Variants in KCNN2 observed in about 807,000 individuals in gnomAD.
The protein encoded by KCNN2 is small conductance calcium-activated potassium channel protein 2.
KCNN2 carries 24 observed loss-of-function variants against 55.5 expected under a neutral mutation model. The ratio of observed to expected loss-of-function variants is 0.43; its 90% CI spans 0.31 to 0.61. KCNN2 has a LOEUF of 0.61. Among genes scored for constraint, KCNN2 ranks in the 20% least tolerant of loss-of-function variants. The probability of loss-of-function intolerance (pLI) is 0.08; values close to 1 mark genes in which losing one functional copy is unlikely to be tolerated. For synonymous variants in KCNN2, 431 were observed against 336.1 expected, an observed-to-expected ratio of 1.28 and a Z score of -3.09; for missense variants, 754 against 853.6, an observed-to-expected ratio of 0.88 and a Z score of 1.45.
At chr5:114,472,951 AAT>A (rs770775164) in intron 4 of KCNN2, 101 bp from the exon 5 acceptor site, 1 of 616,274 alleles carries the variant, frequency 1.6e-6, no homozygotes, top group Non-Finnish European at 2.8e-6. Flanking sequence ...CAATGTTTTT[AAT>A]CCTGAGAAAC....
At chr5:114,093,169 TTC>T (rs1296261636) in intron 1 of KCNN2, among the ~76,000 whole-genome samples, 1 of 152,182 alleles carries the variant, frequency 6.6e-6, no homozygotes, top group Non-Finnish European at 1.5e-5. Flanking sequence ...CAAGTTCAAG[TTC>T]TCTCTCTGCT....
intron 1 of KCNN2, among the ~76,000 whole-genome samples, chr5:114,212,015 T>C (rs1269650820): frequency 6.6e-6 from 1 of 151,516 alleles, no homozygotes; most frequent in Non-Finnish European, 1.5e-5. Context: ...TATATGAGCA[T>C]GTACTTATTA....
At chr5:114,409,327 A>T (rs561137181) in intron 3 of KCNN2, among the ~76,000 whole-genome samples, 1 of 142,210 alleles carries the variant, frequency 7.0e-6, no homozygotes, top group Non-Finnish European at 1.6e-5. Context: ...TGTAAGATAC[A>T]AAGATAAAAA....
At chr5:114,471,480 A>G (rs1276742894) in intron 4 of KCNN2, among the ~76,000 whole-genome samples, 1 of 152,232 alleles carries the variant, frequency 6.6e-6, no homozygotes, top group Non-Finnish European at 1.5e-5. Context: ...AGTTGAATTC[A>G]TGTATACGGA....
chr5:114,280,236 C>T (rs959790587), intron 2 of KCNN2, among the ~76,000 whole-genome samples: 1 of 152,234 alleles, frequency 6.6e-6, no homozygotes, highest in African/African-American at 2.4e-5. Context: ...AAAATTTTCT[C>T]CTATTCTGTA....
At chr5:114,169,568 A>G (rs17136330) in intron 1 of KCNN2, among the ~76,000 whole-genome samples, 4,697 of 152,224 alleles carry the variant, frequency 0.031, 254 homozygotes, top group African/African-American at 0.11. Context: ...TTTAGATACC[A>G]GACAGGAAGA....
At chr5:114,283,731 A>G (rs536485975) in intron 2 of KCNN2, among the ~76,000 whole-genome samples, 1 of 152,136 alleles carries the variant, frequency 6.6e-6, no homozygotes, top group African/African-American at 2.4e-5. Flanking sequence ...AAGAAATTTT[A>G]TTTTTTGTAT....
chr5:114,143,630 G>A (rs892734554), intron 1 of KCNN2, among the ~76,000 whole-genome samples: 1 of 152,142 alleles, frequency 6.6e-6, no homozygotes, highest in Non-Finnish European at 1.5e-5. Flanking sequence ...AGGAATCTTG[G>A]TGATGTGAAA....
chr5:114,459,921 GTCTA>G (rs372326830), intron 3 of KCNN2, among the ~76,000 whole-genome samples: 95 of 152,266 alleles, frequency 6.2e-4, no homozygotes, highest in African/African-American at 1.5e-3. Context: ...GAAGAAATTT[GTCTA>G]TCTAAGATTT....
At chr5:114,353,820 G>A (rs1425189549) in intron 2 of KCNN2, among the ~76,000 whole-genome samples, 1 of 151,764 alleles carries the variant, frequency 6.6e-6, no homozygotes, top group African/African-American at 2.4e-5. Flanking sequence ...GATCTTATTG[G>A]TGCTCTCCTG....
intron 2 of KCNN2, among the ~76,000 whole-genome samples, chr5:114,381,872 G>C (rs1040013827): frequency 6.6e-6 from 1 of 152,284 alleles, no homozygotes; most frequent in East Asian, 1.9e-4. Context: ...GTTGCTGTGG[G>C]ACTGAACTAG....
chr5:114,320,101 T>C (rs1756585916), intron 2 of KCNN2, among the ~76,000 whole-genome samples: 1 of 152,206 alleles, frequency 6.6e-6, no homozygotes, highest in Non-Finnish European at 1.5e-5. Context: ...CCCTTCTTCA[T>C]ATCCCCAAAC....
chr5:114,174,276 T>C (rs4705632), intron 1 of KCNN2, among the ~76,000 whole-genome samples: 64,531 of 151,890 alleles, frequency 0.42, 14,785 homozygotes, highest in Middle Eastern at 0.55. Context: ...GAGACAGTGA[T>C]ATCTTAGAAA....
At chr5:114,397,548 G>A (rs190881993) in intron 2 of KCNN2, among the ~76,000 whole-genome samples, 337 of 152,078 alleles carry the variant, frequency 2.2e-3, no homozygotes, top group South Asian at 9.3e-3. Flanking sequence ...CACAATGCCC[G>A]GCTAATTTTT....
chr5:114,122,677 A>G (rs1751849485), intron 1 of KCNN2, among the ~76,000 whole-genome samples: 1 of 152,148 alleles, frequency 6.6e-6, no homozygotes, highest in African/African-American at 2.4e-5. Context: ...TTGGACTCAA[A>G]GCTGGAATTA....
At chr5:114,204,522 T>C (rs2112575523) in intron 1 of KCNN2, among the ~76,000 whole-genome samples, 1 of 152,368 alleles carries the variant, frequency 6.6e-6, no homozygotes, top group Admixed American at 6.5e-5. Context: ...AAGTAACTTC[T>C]TCTGATGTAA....
chr5:114,341,905 T>TG (rs1757022471), intron 2 of KCNN2, among the ~76,000 whole-genome samples: 1 of 108,352 alleles, frequency 9.2e-6, no homozygotes, highest in African/African-American at 4.2e-5. Context: ...TCATAATGTG[T>TG]TTTTTTTTTT....
chr5:114,167,962 T>C (rs555667973), intron 1 of KCNN2, among the ~76,000 whole-genome samples: 20 of 152,248 alleles, frequency 1.3e-4, no homozygotes, highest in African/African-American at 4.8e-4. Context: ...ATATTGATTT[T>C]CAGATTCATT....
At chr5:114,137,141 G>A (rs879452586) in intron 1 of KCNN2, among the ~76,000 whole-genome samples, 8 of 151,926 alleles carry the variant, frequency 5.3e-5, no homozygotes, top group African/African-American at 1.2e-4. Flanking sequence ...CTCCCCCTAC[G>A]CTCCCTGCTG....
Sources: allele counts gnomAD v4.1 joint callset (sites outside exome capture counted in the v4.1 genomes callset), GRCh38; gene constraint gnomAD v4.1.1; transcripts MANE v1.5; gene names NCBI Gene and HGNC (gene_info 2026-07-23, HGNC 2026-07-21).